The following PACSIN2 variants were observed in gnomAD, a reference collection of about 807,000 sequenced individuals.
PACSIN2 encodes protein kinase C and casein kinase substrate in neurons protein 2.
In PACSIN2, 25 loss-of-function variants were observed where a neutral mutation model predicts 63.8. The observed-to-expected ratio is 0.39, with a 90% CI of 0.29 to 0.55. The LOEUF (loss-of-function observed/expected upper bound fraction) is 0.55. Among genes scored for constraint, PACSIN2 ranks in the 20% least tolerant of loss-of-function variants. The pLI, the probability that PACSIN2 is intolerant of heterozygous loss-of-function variation, is 0.62. For synonymous variants in PACSIN2, 255 were observed against 256.2 expected, an observed-to-expected ratio of 1.00 and a Z score of 0.05; for missense variants, 518 against 646.9, an observed-to-expected ratio of 0.80 and a Z score of 2.16.
chr22:42,871,323 G>A lies in PACSIN2; in HGVS notation c.*34C>T, dbSNP rs778116770. The stretch of plus-strand genomic sequence containing the variant: ...GCTGGCTGAGGCTCCTGGGCCCGCC[G>A]CCTCCGTCCCCCCGCTGGCCTGTCC... On this transcript the variant is annotated 3_prime_UTR_variant, in exon 11 of 11. Coordinates refer to ENST00000263246, the MANE Select transcript of PACSIN2 (RefSeq NM_001184970.3). This position sits in a 1 kb window ranked among gnomAD's most constrained non-coding sequence, Gnocchi z 5.4. 5.0e-6 allele frequency: 7 copies of A among 1,396,290 alleles called. No homozygotes were observed. Among genetic ancestry groups the A allele is most frequent in the South Asian group, 1.2e-5 (1 of 86,462 alleles). The allele number at this position is 1,396,290 out of a possible 1,614,324, so 86.5% of individuals were successfully genotyped here.
chr22:42,947,483 G>A (rs116360103), intron 1 of PACSIN2, among the ~76,000 whole-genome samples: 1,649 of 152,158 alleles, frequency 0.011, 26 homozygotes, highest in African/African-American at 0.037. Flanking sequence ...GGAGGCAGCC[G>A]TTTCAGAGGC....
chr22:42,873,783 T>C (rs1438278618), intron 10 of PACSIN2, among the ~76,000 whole-genome samples: 5 of 147,714 alleles, frequency 3.4e-5, no homozygotes, highest in African/African-American at 7.5e-5. Context: ...GGTGCTAAGA[T>C]AGCAATTTTC....
At position 42,963,833 on chromosome 22, in the gene PACSIN2, T is replaced by C. The variant is rs375718691; in HGVS notation, c.-78+51188A>G. ...AAAAGGTCGTGTCATTTGGAAACAA[T>C]AAAATTTCTACAATTTTTTTTTCAC... On this transcript the variant is annotated intron_variant, in intron 1 of 10. Transcript: ENST00000263246. Among the ~76,000 whole-genome samples, 590 of 114,274 alleles carry C rather than the reference T, an allele frequency of 5.2e-3. 4 individuals carry two copies. Among genetic ancestry groups the C allele is most frequent in the African/African-American group, 0.02 (568 of 27,836 alleles). 75.0% of individuals were successfully genotyped at this position (114,274 alleles called of 152,430 possible).
chr22:42,997,525 T>C (rs1390658745), intron 1 of PACSIN2, among the ~76,000 whole-genome samples: 1 of 148,204 alleles, frequency 6.7e-6, no homozygotes, highest in South Asian at 2.2e-4. Context: ...GCCACTGCAC[T>C]CCAGCCTGGG....
chr22:42,975,918 A>C (rs906142255), intron 1 of PACSIN2, among the ~76,000 whole-genome samples: 1 of 152,224 alleles, frequency 6.6e-6, no homozygotes, highest in Non-Finnish European at 1.5e-5. Flanking sequence ...CACAAGAAAA[A>C]GACCCACTGA....
intron 1 of PACSIN2, among the ~76,000 whole-genome samples, chr22:42,982,888 A>AAAAACAAAAAAAAAACAAC (rs759532303): frequency 2.9e-5 from 3 of 105,156 alleles, no homozygotes; most frequent in Non-Finnish European, 4.2e-5. Context: ...AAAAAAAAAA[A>AAAAACAAAAAAAAAACAAC]AACAACAACA....
intron 1 of PACSIN2, among the ~76,000 whole-genome samples, chr22:42,968,881 C>T (rs1361066075): frequency 6.6e-6 from 1 of 152,210 alleles, no homozygotes; most frequent in South Asian, 2.1e-4. Flanking sequence ...GGACTGAGAG[C>T]TACATGACTG....
In PACSIN2 at chr22:42,907,714, G is replaced by A. The variant is rs530965833; in HGVS notation, c.60+4307C>T. Among the ~76,000 whole-genome samples the A allele has an allele frequency of 6.9e-4, 105 of 152,368 alleles. 1 individual carries two copies. The highest frequency in any genetic ancestry group is 1.3e-3 in the Admixed American group (20 of 15,310). ...CTTGCGCTCAGGGCACTGCTCTGCC[G>A]CCTCCTAACTGCTCTCCATACAACG... On this transcript the variant is annotated intron_variant, in intron 2 of 10. Coordinates refer to ENST00000263246, the MANE Select transcript of PACSIN2 (RefSeq NM_001184970.3).
At chr22:42,910,909 A>ATTTT (rs67845012) in intron 2 of PACSIN2, among the ~76,000 whole-genome samples, 4 of 146,938 alleles carry the variant, frequency 2.7e-5, no homozygotes, top group African/African-American at 7.4e-5. Flanking sequence ...TTAACACATA[A>ATTTT]TTTTTTTTTT....
At chr22:42,913,505 G>GAC (rs1931606154) in intron 1 of PACSIN2, among the ~76,000 whole-genome samples, 1 of 126,844 alleles carries the variant, frequency 7.9e-6, no homozygotes, top group Admixed American at 8.0e-5. Flanking sequence ...AAAAAAAAAA[G>GAC]AGAGACACTA....
At chr22:42,906,134 G>A (rs1931057720) in intron 2 of PACSIN2, among the ~76,000 whole-genome samples, 2 of 152,240 alleles carry the variant, frequency 1.3e-5, no homozygotes, top group Non-Finnish European at 2.9e-5. Context: ...GCTGCTGCTG[G>A]CCTGTGAGCT....
At chr22:42,985,062 C>T (rs1156496461) in intron 1 of PACSIN2, among the ~76,000 whole-genome samples, 1 of 152,198 alleles carries the variant, frequency 6.6e-6, no homozygotes, top group Admixed American at 6.5e-5. Context: ...GGTGTGGTGG[C>T]TCACGCCTGT....
intron 2 of PACSIN2, among the ~76,000 whole-genome samples, chr22:42,908,579 C>T (rs1003598569): frequency 2.0e-5 from 3 of 152,210 alleles, no homozygotes; most frequent in Non-Finnish European, 4.4e-5. Context: ...CATGCCCTGC[C>T]GTGAAGCCTG....
intron 9 of PACSIN2, 76 bp downstream of exon 9, chr22:42,876,812 G>T: frequency 6.3e-7 from 1 of 1,575,490 alleles, no homozygotes; most frequent in Non-Finnish European, 8.7e-7. Context: ...GCCGAGGGGT[G>T]AGACCCCTGG....
At chr22:42,881,126 G>A (rs539765682) in intron 7 of PACSIN2, among the ~76,000 whole-genome samples, 5 of 152,286 alleles carry the variant, frequency 3.3e-5, no homozygotes, top group South Asian at 2.1e-4. Flanking sequence ...GGGAGTGCTC[G>A]GCAGCAGGGC....
intron 2 of PACSIN2, among the ~76,000 whole-genome samples, chr22:42,900,944 C>T (rs1044633914): frequency 2.6e-5 from 4 of 152,180 alleles, no homozygotes; most frequent in Non-Finnish European, 5.9e-5. Flanking sequence ...TGCTTCCAGC[C>T]AGCCCTGTGG....
chr22:42,965,916 TAA>T, intron 1 of PACSIN2, among the ~76,000 whole-genome samples: 1 of 122,146 alleles, frequency 8.2e-6, no homozygotes, highest in African/African-American at 3.1e-5. Context: ...TAATCATAAA[TAA>T]ATAAATAATC....
intron 1 of PACSIN2, among the ~76,000 whole-genome samples, chr22:42,963,558 C>T (rs528404314): frequency 9.9e-5 from 15 of 152,278 alleles, no homozygotes; most frequent in South Asian, 2.1e-4. Flanking sequence ...ATATGATTGT[C>T]GCATGGTAAA....
intron 2 of PACSIN2, among the ~76,000 whole-genome samples, chr22:42,896,386 G>A (rs2413730): frequency 1.5e-4 from 8 of 53,992 alleles, no homozygotes; most frequent in South Asian, 5.7e-4. Context: ...GTGTAGTTAT[G>A]CCACTATCAG....
Sources: allele counts gnomAD v4.1 joint callset (sites outside exome capture counted in the v4.1 genomes callset), GRCh38; gene constraint gnomAD v4.1.1; non-coding constraint Gnocchi (gnomAD v3.1); transcripts MANE v1.5; gene names NCBI Gene and HGNC (gene_info 2026-07-23, HGNC 2026-07-21).